Variants in ATP2B2 observed in about 807,000 individuals in gnomAD.
The protein encoded by ATP2B2 is plasma membrane calcium-transporting ATPase 2.
A neutral mutation model predicts 120.0 loss-of-function variants in ATP2B2; 15 were observed. The ratio of observed to expected loss-of-function variants is 0.12; its 90% CI spans 0.08 to 0.19. The LOEUF (loss-of-function observed/expected upper bound fraction) is 0.19. Ranked by LOEUF, ATP2B2 falls within the 10% of genes least tolerant of loss-of-function variation. The pLI is 1.00. For synonymous variants in ATP2B2, 694 were observed against 700.3 expected (o/e 0.99, Z 0.14); for missense variants, 1,045 against 1,719.8 (o/e 0.61, Z 6.94).
chr3:10,446,418 C>G (rs2063837837), intron 2 of ATP2B2, among the ~76,000 whole-genome samples: 1 of 152,174 alleles, frequency 6.6e-6, no homozygotes, highest in Non-Finnish European at 1.5e-5. Context: ...ACAGAACTAC[C>G]CGTGTGTCAG....
chr3:10,354,995 G>T (rs879483345), intron 14 of ATP2B2, among the ~76,000 whole-genome samples: 3 of 152,210 alleles, frequency 2.0e-5, no homozygotes, highest in Admixed American at 6.5e-5. Context: ...CACGTTCCCT[G>T]AAGGTCGCCC....
chr3:10,543,929 G>A (rs1234843246), intron 2 of ATP2B2, among the ~76,000 whole-genome samples: 1 of 151,938 alleles, frequency 6.6e-6, no homozygotes, highest in African/African-American at 2.4e-5. Flanking sequence ...AGTAGAGATG[G>A]GGTTTCACCA....
rs996209454 is a variant in ATP2B2, at chr3:10,343,407, C to G, written c.2704-442G>C. Among the ~76,000 whole-genome samples the G allele has an allele frequency of 4.6e-5, 7 of 151,766 alleles. No homozygotes were observed. The highest frequency in any genetic ancestry group is 1.2e-4 in the African/African-American group (5 of 41,282). ...CAAACAGTGCCCGTCCCCCACCCCC[C>G]CAATGTCTCCTCCCCTCTTATCCCG... is the stretch of plus-strand genomic sequence containing the variant. On this transcript the variant is annotated intron_variant, in intron 18 of 22. Coordinates refer to ENST00000360273, the MANE Select transcript of ATP2B2 (RefSeq NM_001001331.4). This position sits in a 1 kb window ranked among gnomAD's most constrained non-coding sequence, Gnocchi z 4.2.
rs143424142 is a variant in ATP2B2 at position 10,362,400 on chromosome 3, G to T, written c.1660-2277C>A. ...CCCAAAGAGCAGACCCGATTCACATGGGGGGAATACAGGCATTGACACGCA... is the reference window on the plus strand; with the variant it reads ...CCCAAAGAGCAGACCCGATTCACATTGGGGGAATACAGGCATTGACACGCA... On this transcript the variant is annotated intron_variant, in intron 12 of 22. Transcript: ENST00000360273. Among the ~76,000 whole-genome samples the T allele has an allele frequency of 1.3e-3, 191 of 152,320 alleles. 5 individuals carry two copies. In the South Asian group the frequency reaches 0.029, roughly 23 times the overall value.
At chr3:10,534,451 A>G (rs1446200161) in intron 2 of ATP2B2, among the ~76,000 whole-genome samples, 3 of 152,234 alleles carry the variant, frequency 2.0e-5, no homozygotes, top group African/African-American at 4.8e-5. Context: ...TGCATCGGGC[A>G]TCTAGCCATT....
chr3:10,626,742 G>C (rs932432325), intron 1 of ATP2B2: 4 of 152,062 alleles, frequency 2.6e-5, no homozygotes, highest in African/African-American at 9.7e-5. Flanking sequence ...GATGACTTAG[G>C]ATTCTCCCTG....
At chr3:10,503,115 G>A (rs1013897729) in intron 1 of ATP2B2, among the ~76,000 whole-genome samples, 1 of 152,232 alleles carries the variant, frequency 6.6e-6, no homozygotes, top group African/African-American at 2.4e-5. Context: ...CGCAGAGGAG[G>A]GCAGCGGGAC....
chr3:10,450,116 C>T (rs2125184116), intron 1 of ATP2B2, among the ~76,000 whole-genome samples: 1 of 152,296 alleles, frequency 6.6e-6, no homozygotes, highest in Non-Finnish European at 1.5e-5. Flanking sequence ...CTGTGGAACA[C>T]ACTGGCTTCA....
chr3:10,690,417 A>C (rs376188833), intron 1 of ATP2B2, among the ~76,000 whole-genome samples: 2 of 150,834 alleles, frequency 1.3e-5, no homozygotes, highest in South Asian at 2.1e-4. Flanking sequence ...AGAAAAAAAC[A>C]GAATATCTAT....
At chr3:10,526,397 C>G (rs1467939622) in intron 3 of ATP2B2, among the ~76,000 whole-genome samples, 8 of 152,186 alleles carry the variant, frequency 5.3e-5, no homozygotes, top group Admixed American at 3.3e-4. Flanking sequence ...CCTTGGGGTG[C>G]AAGGAGCTTG....
At position 10,354,498 on chromosome 3, in the gene ATP2B2, T is replaced by C. The variant is rs191074385; in HGVS notation, c.2137-3921A>G. ...AATAAAGGCTTTTAAACATCTGTTG[T>C]TTCTGGTGACAGCCGTTGTCTGTGA... On this transcript the variant is annotated intron_variant, in intron 14 of 22. Coordinates refer to ENST00000360273, the MANE Select transcript of ATP2B2 (RefSeq NM_001001331.4). 3.2e-3 allele frequency among the ~76,000 whole-genome samples: 492 copies of C among 152,340 alleles called. 2 individuals carry two copies. Among genetic ancestry groups the C allele is most frequent in the African/African-American group, 0.011 (467 of 41,574 alleles).
intron 2 of ATP2B2, among the ~76,000 whole-genome samples, chr3:10,597,839 C>A (rs2125587699): frequency 6.6e-6 from 1 of 152,318 alleles, no homozygotes; most frequent in South Asian, 2.1e-4. Flanking sequence ...CGTCCTGAAG[C>A]CTTTGAGCCT....
At chr3:10,477,460 C>G (rs2065248495) in intron 1 of ATP2B2, among the ~76,000 whole-genome samples, 1 of 152,176 alleles carries the variant, frequency 6.6e-6, no homozygotes, top group South Asian at 2.1e-4. Context: ...TTAAGTGCAT[C>G]CTCATTGTTG....
At chr3:10,408,563 G>C (rs1392567537) in intron 3 of ATP2B2, among the ~76,000 whole-genome samples, 1 of 152,196 alleles carries the variant, frequency 6.6e-6, no homozygotes, top group Non-Finnish European at 1.5e-5. Context: ...GCCTGAGCTA[G>C]TGCCCCAGCC....
At chr3:10,512,951 T>C (rs1431779721) in intron 3 of ATP2B2, among the ~76,000 whole-genome samples, 1 of 152,236 alleles carries the variant, frequency 6.6e-6, no homozygotes, top group Non-Finnish European at 1.5e-5. Context: ...ATGCGCACGA[T>C]GCCATGTGCT....
At chr3:10,404,588 G>C (rs1230178540) in intron 3 of ATP2B2, among the ~76,000 whole-genome samples, 1 of 152,248 alleles carries the variant, frequency 6.6e-6, no homozygotes, top group Non-Finnish European at 1.5e-5. Flanking sequence ...ACTTTCCAGT[G>C]TGTGGGTGAG....
chr3:10,359,174 G>A (rs1409294926), intron 13 of ATP2B2, among the ~76,000 whole-genome samples: 1 of 152,180 alleles, frequency 6.6e-6, no homozygotes, highest in African/African-American at 2.4e-5. Context: ...CACTCCCACA[G>A]CTGAAATGGT....
intron 1 of ATP2B2, among the ~76,000 whole-genome samples, chr3:10,622,187 A>G (rs2069570697): frequency 6.6e-6 from 1 of 152,136 alleles, no homozygotes; most frequent in African/African-American, 2.4e-5. Flanking sequence ...TGTAGACTGT[A>G]GTGTCATCCT....
At chr3:10,351,599 A>G (rs1382844766) in intron 14 of ATP2B2, among the ~76,000 whole-genome samples, 1 of 152,134 alleles carries the variant, frequency 6.6e-6, no homozygotes, top group African/African-American at 2.4e-5. Context: ...CTATGGATTG[A>G]GTTGTATTCC....
Sources: gnomAD v4.1 joint callset for allele counts (sites outside exome capture counted in the v4.1 genomes callset) on GRCh38, gnomAD v4.1.1 for gene constraint, Gnocchi (gnomAD v3.1) non-coding constraint, MANE v1.5 for transcripts, NCBI Gene and HGNC (gene_info 2026-07-23, HGNC 2026-07-21) for gene names.